The following TBCA variants were observed in gnomAD, a reference collection of about 807,000 sequenced individuals.
TBCA encodes the protein tubulin-specific chaperone A.
TBCA carries 6 observed loss-of-function variants against 15.8 expected under a neutral mutation model. The ratio of observed to expected loss-of-function variants is 0.38; its 90% CI spans 0.21 to 0.75. The LOEUF (loss-of-function observed/expected upper bound fraction) is 0.75, where lower values mean the gene tolerates loss of function less well. Among genes scored for constraint, TBCA ranks in the 30% least tolerant of loss-of-function variants. The pLI is 0.46. For missense variants in TBCA, 90 were observed against 131.2 expected (o/e 0.69, Z 1.53); for synonymous variants, 32 against 42.3 (o/e 0.76, Z 0.94).
chr5:77,692,644 A>G (rs1745780347), intron 3 of TBCA: 1 of 985,298 alleles, frequency 1.0e-6, no homozygotes, highest in Admixed American at 6.2e-5. Context: ...GATTCATGAG[A>G]GAAAAAAGCA....
At chr5:77,772,184 G>GA (rs1747930653) in intron 1 of TBCA, among the ~76,000 whole-genome samples, 2 of 151,854 alleles carry the variant, frequency 1.3e-5, no homozygotes, top group South Asian at 2.1e-4. Context: ...GAGAGAGGAG[G>GA]AAAAAAGCAT....
chr5:77,710,815 GTAT>G (rs1371662968), intron 1 of TBCA, among the ~76,000 whole-genome samples: 4 of 152,174 alleles, frequency 2.6e-5, no homozygotes, highest in African/African-American at 9.7e-5. Flanking sequence ...CAACGCAACA[GTAT>G]TATTATTGTT....
intron 1 of TBCA, among the ~76,000 whole-genome samples, chr5:77,723,886 A>G (rs1368185719): frequency 6.6e-6 from 1 of 152,036 alleles, no homozygotes; most frequent in African/African-American, 2.4e-5. Context: ...GTAAGTGCCC[A>G]TGTTATTCCA....
intron 1 of TBCA, among the ~76,000 whole-genome samples, chr5:77,739,020 C>T (rs1021494941): frequency 1.3e-5 from 2 of 152,036 alleles, no homozygotes; most frequent in Non-Finnish European, 2.9e-5. Flanking sequence ...GAATAGAAAT[C>T]GAATTAGAAA....
chr5:77,736,413 A>C (rs952896794), intron 1 of TBCA, among the ~76,000 whole-genome samples: 4 of 152,232 alleles, frequency 2.6e-5, no homozygotes, highest in African/African-American at 9.6e-5. Flanking sequence ...TTTCTTCTAC[A>C]ATGCAACCTT....
At chr5:77,734,788 T>C (rs1163379702) in intron 1 of TBCA, among the ~76,000 whole-genome samples, 2 of 152,202 alleles carry the variant, frequency 1.3e-5, no homozygotes, top group East Asian at 1.9e-4. Flanking sequence ...AAATCGTTCA[T>C]GAAAGGAGTC....
intron 1 of TBCA, among the ~76,000 whole-genome samples, chr5:77,713,915 A>G (rs1217721405): frequency 1.3e-5 from 2 of 151,510 alleles, no homozygotes; most frequent in East Asian, 3.9e-4. Context: ...TTTTTTTTTA[A>G]AAGAATAAAA....
At chr5:77,723,950 C>T (rs1746578113) in intron 1 of TBCA, among the ~76,000 whole-genome samples, 1 of 151,982 alleles carries the variant, frequency 6.6e-6, no homozygotes, top group Admixed American at 6.6e-5. Flanking sequence ...CTTTAAGCTG[C>T]AGTTCAAATT....
Position 77,746,496 on chromosome 5 carries a change from T to C in TBCA, c.53+29709A>G, listed in dbSNP as rs75122054. On this transcript the variant is annotated intron_variant, in intron 1 of 3. Coordinates refer to ENST00000380377, the MANE Select transcript of TBCA (RefSeq NM_004607.3). ...ATCAAAAGACTAATCCTAGCAAAAC[T>C]GCAATGCCCCAATACTACCTTGAAT... 1.8e-4 allele frequency among the ~76,000 whole-genome samples: 27 copies of C among 152,316 alleles called. No homozygotes were observed. In the East Asian group the frequency reaches 3.9e-3, roughly 22 times the overall value.
chr5:77,705,019 T>G (rs905950426), intron 2 of TBCA, among the ~76,000 whole-genome samples: 13 of 152,234 alleles, frequency 8.5e-5, no homozygotes, highest in Non-Finnish European at 1.2e-4. Flanking sequence ...ATGTAGTCAG[T>G]AATGTAACTA....
At chr5:77,712,907 A>G (rs1161520012) in intron 1 of TBCA, among the ~76,000 whole-genome samples, 1 of 152,198 alleles carries the variant, frequency 6.6e-6, no homozygotes, top group Non-Finnish European at 1.5e-5. Context: ...TTTCAAAGTA[A>G]GGGATTATGG....
At chr5:77,769,138 G>C (rs1487743473) in intron 1 of TBCA, among the ~76,000 whole-genome samples, 2 of 152,210 alleles carry the variant, frequency 1.3e-5, no homozygotes, top group African/African-American at 4.8e-5. Flanking sequence ...TTGCCAAGTA[G>C]TTAACAGAAT....
At position 77,728,919 on chromosome 5, in the gene TBCA, G is replaced by A. The variant is rs147463509; in HGVS notation, c.54-20572C>T. Among the ~76,000 whole-genome samples the A allele has an allele frequency of 5.4e-3, 819 of 152,154 alleles. 2 individuals are homozygous for A. The highest frequency in any genetic ancestry group is 0.018 in the African/African-American group (765 of 41,514). On this transcript the variant is annotated intron_variant, in intron 1 of 3. Transcript: ENST00000380377. The stretch of plus-strand genomic sequence containing the variant: ...TCTCAGGCTCACAATCTGTGGGCCC[G>A]CCATAAGTGGACTCATGACTTAAGG...
At chr5:77,739,502 A>G (rs1746985237) in intron 1 of TBCA, among the ~76,000 whole-genome samples, 2 of 152,156 alleles carry the variant, frequency 1.3e-5, no homozygotes, top group African/African-American at 2.4e-5. Flanking sequence ...GAGAAGGCCA[A>G]TCATCTTTGG....
intron 1 of TBCA, among the ~76,000 whole-genome samples, chr5:77,774,519 T>A (rs1300902664): frequency 1.3e-5 from 2 of 152,228 alleles, no homozygotes; most frequent in Non-Finnish European, 2.9e-5. Context: ...TTGTATTGAT[T>A]CCAGGTCTTA....
At chr5:77,739,703 TTCA>T (rs1746989338) in intron 1 of TBCA, among the ~76,000 whole-genome samples, 2 of 152,190 alleles carry the variant, frequency 1.3e-5, no homozygotes, top group African/African-American at 2.4e-5. Flanking sequence ...GTCTTAACTA[TTCA>T]TCAAATCCTC....
intron 1 of TBCA, among the ~76,000 whole-genome samples, chr5:77,741,636 C>G (rs953849989): frequency 6.6e-6 from 1 of 152,140 alleles, no homozygotes; most frequent in African/African-American, 2.4e-5. Flanking sequence ...TTATCCAGAG[C>G]AGATGGCTAG....
chr5:77,739,256 T>G (rs1039237899), intron 1 of TBCA, among the ~76,000 whole-genome samples: 2 of 150,654 alleles, frequency 1.3e-5, no homozygotes, highest in Admixed American at 1.3e-4. Context: ...AGGTCAGGAG[T>G]TTAAGACCAG....
chr5:77,704,001 G>A lies in TBCA; in HGVS notation c.159+4241C>T, dbSNP rs139357456. Among the ~76,000 whole-genome samples, 498 of 152,136 alleles carry A rather than the reference G, an allele frequency of 3.3e-3. 3 individuals are homozygous for A. Among genetic ancestry groups the A allele is most frequent in the African/African-American group, 0.011 (441 of 41,478 alleles). Reference sequence around the variant, plus strand: ...TCTCCTTCTCTCTCTCTCTCCTGCCGCCTTGTGAAGAAGGTGCTTGCTTCC... The same window carrying A: ...TCTCCTTCTCTCTCTCTCTCCTGCCACCTTGTGAAGAAGGTGCTTGCTTCC... On this transcript the variant is annotated intron_variant, in intron 2 of 3. Transcript: ENST00000380377.
Sources: gnomAD v4.1 joint callset for allele counts (sites outside exome capture counted in the v4.1 genomes callset) on GRCh38, gnomAD v4.1.1 for gene constraint, MANE v1.5 for transcripts, NCBI Gene and HGNC (gene_info 2026-07-23, HGNC 2026-07-21) for gene names.